Variants in THRB observed in about 807,000 individuals in gnomAD.
THRB encodes the protein nuclear receptor subfamily 1 group A member 2.
A neutral mutation model predicts 47.8 loss-of-function variants in THRB; 12 were observed. That is an observed-to-expected ratio of 0.25 (90% CI 0.16 to 0.41). The LOEUF is 0.41. Among genes scored for constraint, THRB ranks in the 10% least tolerant of loss-of-function variants. THRB has a pLI of 1.00. For synonymous variants in THRB, 218 were observed against 212.2 expected (o/e 1.03, Z -0.24); for missense variants, 348 against 589.2 (o/e 0.59, Z 4.24).
intron 1 of THRB, among the ~76,000 whole-genome samples, chr3:24,456,560 G>A (rs2073189953): frequency 6.6e-6 from 1 of 151,150 alleles, no homozygotes; most frequent in African/African-American, 2.4e-5. Context: ...CTTATACAAG[G>A]TAAGTATTAT....
chr3:24,416,142 A>G (rs2068713080), intron 1 of THRB, among the ~76,000 whole-genome samples: 1 of 151,908 alleles, frequency 6.6e-6, no homozygotes, highest in South Asian at 2.1e-4. Context: ...ACTGCCTTAT[A>G]TAAACGTACT....
chr3:24,428,887 C>A (rs1172059304), intron 1 of THRB, among the ~76,000 whole-genome samples: 6 of 146,086 alleles, frequency 4.1e-5, no homozygotes, highest in African/African-American at 7.5e-5. Flanking sequence ...GAAGGTAAGC[C>A]AAAAAAAAAA....
rs555522898 is a variant in THRB at position 24,144,531 on chromosome 3, T to G, written c.533-825A>C. 2.0e-5 allele frequency: 3 copies of G among 152,300 alleles called. No individual in the cohort carries two copies. The South Asian group carries it at 6.2e-4, about 32-fold the overall frequency. The allele number at this position is 152,300 out of a possible 1,614,324, so 9.4% of individuals were successfully genotyped here. A position where few individuals can be genotyped will look rare whatever the true frequency, so the allele number is the denominator to read the frequency against. ...TAATGCATTATAAGTGCTCAGTAAA[T>G]GCAGTCCTGACTTCTATCATTTGGG... On this transcript the variant is annotated intron_variant, in intron 7 of 10. Coordinates refer to ENST00000646209, the MANE Select transcript of THRB (RefSeq NM_001354712.2).
chr3:24,244,916 A>G (rs9812189), intron 3 of THRB, among the ~76,000 whole-genome samples: 35,778 of 152,152 alleles, frequency 0.24, 6,432 homozygotes, highest in African/African-American at 0.5. Flanking sequence ...TACCTTGTTA[A>G]GCTGTGAAGG....
intron 4 of THRB, among the ~76,000 whole-genome samples, chr3:24,192,073 T>C (rs1458198927): frequency 6.6e-6 from 1 of 152,202 alleles, no homozygotes; most frequent in Admixed American, 6.5e-5. Flanking sequence ...GCATTATTCA[T>C]TGCATGGTAA....
rs185293817 is a variant in THRB at position 24,275,841 on chromosome 3, T to A, written c.-43+21385A>T. Among the ~76,000 whole-genome samples, 7 of 152,322 alleles carry A rather than the reference T, an allele frequency of 4.6e-5. No individual in the cohort carries two copies. The East Asian group carries it at 1.3e-3, about 29-fold the overall frequency. On this transcript the variant is annotated intron_variant, in intron 3 of 10. Coordinates refer to ENST00000646209, the MANE Select transcript of THRB (RefSeq NM_001354712.2). Reference sequence around the variant, plus strand: ...GACTGGGCTATGCCCTTTGAGATTCTGATTCTACAGTTCAGTTTCACCTCC... The same window carrying A: ...GACTGGGCTATGCCCTTTGAGATTCAGATTCTACAGTTCAGTTTCACCTCC...
At chr3:24,217,087 T>C (rs762339743) in intron 4 of THRB, among the ~76,000 whole-genome samples, 1 of 148,474 alleles carries the variant, frequency 6.7e-6, no homozygotes, top group Non-Finnish European at 1.5e-5. Flanking sequence ...ATAAATATTA[T>C]AAGAATTATA....
chr3:24,325,716 G>A (rs1307995447), intron 2 of THRB, among the ~76,000 whole-genome samples: 2 of 152,108 alleles, frequency 1.3e-5, no homozygotes, highest in Non-Finnish European at 2.9e-5. Flanking sequence ...ACTTGCTGTT[G>A]TCTTTGATGA....
In THRB at chr3:24,117,379, C is replaced by G. The variant is rs1468138535; in HGVS notation, c.*5505G>C. 1 of 152,244 alleles carries G rather than the reference C, an allele frequency of 6.6e-6. No individual in the cohort carries two copies. Among genetic ancestry groups the G allele is most frequent in the Non-Finnish European group, 1.5e-5 (1 of 68,070 alleles). The allele number at this position is 152,244 out of a possible 1,614,324, so 9.4% of individuals were successfully genotyped here. A position where few individuals can be genotyped will look rare whatever the true frequency, so the allele number is the denominator to read the frequency against. On this transcript the variant is annotated 3_prime_UTR_variant, in exon 11 of 11. Coordinates refer to ENST00000646209, the MANE Select transcript of THRB (RefSeq NM_001354712.2). ...GAATCATCTTGCCTCAACTCTCAGT[C>G]CATAGTTTAGATGAAGCTGACTGTC...
intron 3 of THRB, among the ~76,000 whole-genome samples, chr3:24,274,974 C>A (rs1000405953): frequency 9.2e-5 from 14 of 152,114 alleles, no homozygotes; most frequent in African/African-American, 2.9e-4. Context: ...AGAATTTGTG[C>A]ATTCATCTAT....
chr3:24,274,262 C>T (rs534283542), intron 3 of THRB, among the ~76,000 whole-genome samples: 1 of 152,238 alleles, frequency 6.6e-6, no homozygotes, highest in Non-Finnish European at 1.5e-5. Flanking sequence ...CATCTGATGG[C>T]ACTTACACAG....
intron 3 of THRB, among the ~76,000 whole-genome samples, chr3:24,257,104 T>C (rs1482383973): frequency 6.6e-6 from 1 of 152,196 alleles, no homozygotes; most frequent in Non-Finnish European, 1.5e-5. Context: ...ATTTTCCAAA[T>C]GGTGAGATCA....
At chr3:24,189,134 C>T (rs2043016095) in intron 5 of THRB, among the ~76,000 whole-genome samples, 1 of 151,890 alleles carries the variant, frequency 6.6e-6, no homozygotes, top group Admixed American at 6.6e-5. Context: ...AGTAGAGCAG[C>T]TGTGTAAGTC....
chr3:24,460,279 T>C (rs889630454), intron 1 of THRB, among the ~76,000 whole-genome samples: 9 of 152,162 alleles, frequency 5.9e-5, no homozygotes, highest in African/African-American at 2.2e-4. Flanking sequence ...CATACCATAC[T>C]GGGTAAATGA....
intron 1 of THRB, among the ~76,000 whole-genome samples, chr3:24,358,930 C>T (rs1034284010): frequency 9.2e-5 from 14 of 152,116 alleles, no homozygotes; most frequent in African/African-American, 2.2e-4. Flanking sequence ...TATGCTCTCA[C>T]GACTTCCTTG....
chr3:24,330,382 AT>A (rs2149370122), intron 2 of THRB, among the ~76,000 whole-genome samples: 1 of 152,324 alleles, frequency 6.6e-6, no homozygotes, highest in African/African-American at 2.4e-5. Context: ...CATTTACTTA[AT>A]TTTTTAAAAA....
In THRB at chr3:24,299,780, TATTTA is replaced by T. The variant is rs1559869826; in HGVS notation, c.-188-2414_-188-2410del. Among the ~76,000 whole-genome samples, 69 of 37,204 alleles carry T rather than the reference TATTTA, an allele frequency of 1.9e-3. 13 individuals carry two copies. Among genetic ancestry groups the T allele is most frequent in the East Asian group, 3.0e-3 (3 of 986 alleles). The allele number at this position is 37,204 out of a possible 152,430, so 24.4% of individuals were successfully genotyped here. A position where few individuals can be genotyped will look rare whatever the true frequency, so the allele number is the denominator to read the frequency against. ...GGGGAAGTATGCTTTTTTATTTATT[TATTTA>T]TTTATTTTTTTTTTTTTAGCAAACA... is the stretch of plus-strand genomic sequence containing the variant. On this transcript the variant is annotated intron_variant, in intron 2 of 10. Coordinates refer to ENST00000646209, the MANE Select transcript of THRB (RefSeq NM_001354712.2).
At chr3:24,194,281 A>G (rs2043704346) in intron 4 of THRB, among the ~76,000 whole-genome samples, 1 of 152,220 alleles carries the variant, frequency 6.6e-6, no homozygotes, top group South Asian at 2.1e-4. Flanking sequence ...ATAAATAAAA[A>G]ATTAAAAATA....
intron 5 of THRB, among the ~76,000 whole-genome samples, chr3:24,164,713 G>A (rs2596624): frequency 0.42 from 63,961 of 151,976 alleles, 15,362 homozygotes; most frequent in African/African-American, 0.65. Flanking sequence ...CTACCCGCCA[G>A]AAGGAAACCT....
Sources: gnomAD v4.1 joint callset for allele counts (sites outside exome capture counted in the v4.1 genomes callset) on GRCh38, gnomAD v4.1.1 for gene constraint, MANE v1.5 for transcripts, NCBI Gene and HGNC (gene_info 2026-07-23, HGNC 2026-07-21) for gene names.